TPCN1: variants seen among roughly 807,000 people sequenced by gnomAD.
TPCN1 encodes the protein two pore segment channel 1, also known as two pore channel protein 1.
A neutral mutation model predicts 108.8 loss-of-function variants in TPCN1; 52 were observed. The observed-to-expected ratio is 0.48, with a 90% CI of 0.38 to 0.60. The LOEUF (loss-of-function observed/expected upper bound fraction) is 0.60. TPCN1 is among the 20% of genes least tolerant of loss of function. TPCN1 has a pLI of 0.00. For missense variants in TPCN1, 806 were observed against 1,072.8 expected (o/e 0.75, Z 3.47); for synonymous variants, 446 against 433.7 (o/e 1.03, Z -0.35).
intron 25 of TPCN1, 60 bp downstream of exon 25, chr12:113,292,018 T>C (rs996450763): frequency 2.0e-6 from 3 of 1,470,362 alleles, no homozygotes; most frequent in Non-Finnish European, 2.9e-6. Flanking sequence ...GCTCTGTCTG[T>C]CTGTCTGGGT....
intron 2 of TPCN1, among the ~76,000 whole-genome samples, chr12:113,235,725 G>A (rs1953866055): frequency 6.6e-6 from 1 of 152,120 alleles, no homozygotes; most frequent in African/African-American, 2.4e-5. Context: ...TGCTTTTGTG[G>A]TGTATAACTC....
chr12:113,268,000 C>T (rs1244906812), intron 5 of TPCN1, 44 bp downstream of exon 5: 1 of 1,317,570 alleles, frequency 7.6e-7, no homozygotes, highest in African/African-American at 1.5e-5. Flanking sequence ...AGCCTTTTCT[C>T]CCATGTCACC....
At chr12:113,257,385 G>A (rs1335900153) in intron 2 of TPCN1, among the ~76,000 whole-genome samples, 2 of 152,080 alleles carry the variant, frequency 1.3e-5, no homozygotes, top group Admixed American at 1.3e-4. Context: ...CAGCTACTCA[G>A]GAGGCTGAGG....
intron 15 of TPCN1, among the ~76,000 whole-genome samples, chr12:113,282,515 C>T (rs1298501756): frequency 1.3e-5 from 2 of 151,276 alleles, no homozygotes; most frequent in Admixed American, 6.6e-5. Context: ...TTCAGGAGGC[C>T]GAGGCGGGTG....
At chr12:113,277,507 C>A in intron 12 of TPCN1, 143 bp downstream of exon 12, 1 of 994,822 alleles carries the variant, frequency 1.0e-6, no homozygotes, top group Non-Finnish European at 1.5e-6. Context: ...TCCATGTAGA[C>A]TTACACACTG....
chr12:113,276,427 A>G (rs1473447048), intron 10 of TPCN1, among the ~76,000 whole-genome samples: 2 of 152,178 alleles, frequency 1.3e-5, no homozygotes, highest in Non-Finnish European at 2.9e-5. Flanking sequence ...CCACACGTGA[A>G]GCAGTGACTC....
At chr12:113,242,330 CCAGGCCCT>C (rs1429008428) in intron 2 of TPCN1, among the ~76,000 whole-genome samples, 11 of 152,232 alleles carry the variant, frequency 7.2e-5, no homozygotes, top group African/African-American at 2.7e-4. Context: ...TGGCTCAAGT[CCAGGCCCT>C]CAGCATGGCT....
rs369181038 is a variant in TPCN1 at position 113,232,232 on chromosome 12, G to A, written c.112+5268G>A. On this transcript the variant is annotated intron_variant, in intron 2 of 27. Coordinates refer to ENST00000335509, the MANE Select transcript of TPCN1 (RefSeq NM_017901.6). This position sits in a 1 kb window ranked among gnomAD's most constrained non-coding sequence, Gnocchi z 5.6. ...GAGAGCTGACCTCTCCCTCCTTCAC[G>A]CCGATGCCTGGCACATCATCTGGAG... Among the ~76,000 whole-genome samples the A allele has an allele frequency of 2.0e-5, 3 of 152,216 alleles. No homozygotes were observed. The highest frequency in any genetic ancestry group is 2.1e-4 in the South Asian group (1 of 4,830).
At position 113,284,479 on chromosome 12, in the gene TPCN1, C is replaced by A; in HGVS notation, c.1343-102C>A. On this transcript the variant is annotated intron_variant, in intron 15 of 27. Coordinates refer to ENST00000335509, the MANE Select transcript of TPCN1 (RefSeq NM_017901.6). The surrounding 1 kb of genome is among the most constrained non-coding windows in gnomAD (Gnocchi z 4.1). ...TGTGGAGCAGCCCTGTTCTCCCCAT[C>A]CCGTAGAGCTCCAGGAAGTTAACCA... 1.5e-6 allele frequency: 2 copies of A among 1,328,258 alleles called. No homozygotes were observed. The highest frequency in any genetic ancestry group is 2.2e-6 in the Non-Finnish European group (2 of 926,414). The allele number at this position is 1,328,258 out of a possible 1,614,324, so 82.3% of individuals were successfully genotyped here.
intron 1 of TPCN1, among the ~76,000 whole-genome samples, chr12:113,226,106 A>C (rs777850539): frequency 6.7e-6 from 1 of 148,598 alleles, no homozygotes; most frequent in Non-Finnish European, 1.5e-5. Context: ...TTTTTTATAG[A>C]GACAAGGTCT....
chr12:113,259,872 C>T (rs1954959146), intron 2 of TPCN1, among the ~76,000 whole-genome samples: 1 of 152,206 alleles, frequency 6.6e-6, no homozygotes, highest in African/African-American at 2.4e-5. Context: ...GAGGGCGTGG[C>T]TGTCAGCAGG....
At chr12:113,224,908 A>G (rs1953415162) in intron 1 of TPCN1, among the ~76,000 whole-genome samples, 1 of 151,538 alleles carries the variant, frequency 6.6e-6, no homozygotes, top group African/African-American at 2.4e-5. Context: ...AAGCCACCAC[A>G]CCCAGCTAAT....
Position 113,273,503 on chromosome 12 carries a change from G to A in TPCN1, c.843-66G>A, listed in dbSNP as rs1955573327. On this transcript the variant is annotated intron_variant, in intron 9 of 27. Coordinates refer to ENST00000335509, the MANE Select transcript of TPCN1 (RefSeq NM_017901.6). This position sits in a 1 kb window ranked among gnomAD's most constrained non-coding sequence, Gnocchi z 4.0. ...GCAGACAAGGAGCTGTCCTCTGCAA[G>A]GCATGTGCTCTGAGAGGATGGAGAC... 2 of 1,378,056 alleles carry A rather than the reference G, an allele frequency of 1.5e-6. No homozygotes were observed. Among genetic ancestry groups the A allele is most frequent in the Non-Finnish European group, 2.1e-6 (2 of 965,342 alleles). The allele number at this position is 1,378,056 out of a possible 1,614,324, so 85.4% of individuals were successfully genotyped here.
intron 4 of TPCN1, among the ~76,000 whole-genome samples, 175 bp from the exon 5 acceptor site, chr12:113,267,668 G>C (rs1410522367): frequency 6.6e-6 from 1 of 152,090 alleles, no homozygotes; most frequent in African/African-American, 2.4e-5. Flanking sequence ...AGTTGTTCTG[G>C]GGAAAGCTCC....
At chr12:113,225,187 T>C in intron 1 of TPCN1, 1 of 447,654 alleles carries the variant, frequency 2.2e-6, no homozygotes, top group South Asian at 1.6e-5. Flanking sequence ...CCCAAGCAGC[T>C]AGGCCTACAG....
At position 113,289,774 on chromosome 12, in the gene TPCN1, G is replaced by A. The variant is rs1200054572; in HGVS notation, c.1797-354G>A. Among the ~76,000 whole-genome samples the A allele has an allele frequency of 1.3e-5, 2 of 152,342 alleles. No individual in the cohort carries two copies. The highest frequency in any genetic ancestry group is 3.9e-4 in the East Asian group (2 of 5,190). On this transcript the variant is annotated intron_variant, in intron 21 of 27. Coordinates refer to ENST00000335509, the MANE Select transcript of TPCN1 (RefSeq NM_017901.6). The surrounding 1 kb of genome is among the most constrained non-coding windows in gnomAD (Gnocchi z 4.1). ...CCCTGGGACTGTGGCCTAGTGTCCA[G>A]CCTCAAGAGCAGATCCTAGATGGGG...
At chr12:113,286,292 C>A (rs189289062) in intron 18 of TPCN1, among the ~76,000 whole-genome samples, 5 of 152,352 alleles carry the variant, frequency 3.3e-5, no homozygotes, top group Non-Finnish European at 1.5e-5. Flanking sequence ...TGCTCCCCCC[C>A]TTCCTTGATC....
chr12:113,260,614 G>T, intron 3 of TPCN1, 122 bp downstream of exon 3: 1 of 1,277,326 alleles, frequency 7.8e-7, no homozygotes, highest in Non-Finnish European at 1.0e-6. Context: ...TGCTGCTCGT[G>T]TGTGAGCTTC....
intron 27 of TPCN1, 117 bp from the exon 28 acceptor site, chr12:113,295,843 T>A: frequency 8.5e-7 from 1 of 1,172,764 alleles, no homozygotes. Flanking sequence ...ACCAGCTGGG[T>A]GAGGCTGGCA....
Sources: allele counts gnomAD v4.1 joint callset (sites outside exome capture counted in the v4.1 genomes callset), GRCh38; gene constraint gnomAD v4.1.1; non-coding constraint Gnocchi (gnomAD v3.1); transcripts MANE v1.5; gene names NCBI Gene and HGNC (gene_info 2026-07-23, HGNC 2026-07-21).